RFESD: variants seen among roughly 807,000 people sequenced by gnomAD.
RFESD encodes the protein Rieske domain-containing protein.
A neutral mutation model predicts 24.4 loss-of-function variants in RFESD; 16 were observed. The ratio of observed to expected loss-of-function variants is 0.66; its 90% CI spans 0.44 to 1.00. RFESD has a LOEUF of 1.00. Ranked by LOEUF, RFESD falls within the 50% of genes least tolerant of loss-of-function variation. The pLI is 0.00. For missense variants in RFESD, 208 were observed against 247.0 expected (o/e 0.84, Z 1.06); for synonymous variants, 59 against 81.8 (o/e 0.72, Z 1.50).
Position 95,646,819 on chromosome 5 carries a change from T to A in RFESD, c.-136+2T>A, listed in dbSNP as rs1278634771. On this transcript the variant is annotated splice_donor_variant, in intron 1 of 5. Transcript: ENST00000380005. LOFTEE classifies it low-confidence loss of function (5UTR_SPLICE). ...AGGCGGAGCGAGGACTCGGGGACAG[T>A]AAGTTCTGTTCTCGCCGCGCAGGGG... 3 of 152,332 alleles carry A rather than the reference T, an allele frequency of 2.0e-5. No homozygotes were observed. In the East Asian group the frequency reaches 5.8e-4, roughly 29 times the overall value. The allele number at this position is 152,332 out of a possible 1,614,324, so 9.4% of individuals were successfully genotyped here.
chr5:95,654,398 T>G, intron 5 of RFESD, 31 bp downstream of exon 5: 4 of 1,422,736 alleles, frequency 2.8e-6, no homozygotes, highest in Non-Finnish European at 3.9e-6. Context: ...TTTCAGCAAA[T>G]TCAGCAAATA....
Position 95,653,113 on chromosome 5 carries a change from T to C in RFESD, c.61-4T>C. The C allele has an allele frequency of 6.4e-7, 1 of 1,551,638 alleles. No individual in the cohort carries two copies. The highest frequency in any genetic ancestry group is 8.7e-7 in the Non-Finnish European group (1 of 1,146,974). ...TCAGGCTTTTGTATTTGCTCTTCTT[T>C]CAGTATGGAATTCTCTTCCCCAAGC... On this transcript the variant is annotated splice_region_variant and splice_polypyrimidine_tract_variant and intron_variant, in intron 2 of 5. Coordinates refer to ENST00000380005, the MANE Select transcript of RFESD (RefSeq NM_001131066.2).
intron 1 of RFESD, among the ~76,000 whole-genome samples, chr5:95,649,892 G>C (rs1010025196): frequency 2.0e-5 from 3 of 151,714 alleles, no homozygotes; most frequent in African/African-American, 7.3e-5. Context: ...TTTTTCTTTA[G>C]CCTATTTCCC....
chr5:95,657,364 A>G lies in RFESD; in HGVS notation c.*1055A>G, dbSNP rs1480955700. 2.0e-5 allele frequency: 3 copies of G among 151,894 alleles called. No homozygotes were observed. The highest frequency in any genetic ancestry group is 2.1e-4 in the South Asian group (1 of 4,804). 9.4% of individuals were successfully genotyped at this position (151,894 alleles called of 1,614,324 possible). ...TAAAATAACACCCCAAGCACCCACCATGCAAAAATCAGCAGCACATAGTGG... is the reference window on the plus strand; with the variant it reads ...TAAAATAACACCCCAAGCACCCACCGTGCAAAAATCAGCAGCACATAGTGG... On this transcript the variant is annotated 3_prime_UTR_variant, in exon 6 of 6. Transcript: ENST00000380005.
In RFESD at chr5:95,652,183, A is replaced by G. The variant is rs1750376896; in HGVS notation, c.-89A>G. 3.4e-6 allele frequency: 5 copies of G among 1,453,290 alleles called. No homozygotes were observed. The highest frequency in any genetic ancestry group is 1.8e-6 in the Non-Finnish European group (2 of 1,086,878). The allele number at this position is 1,453,290 out of a possible 1,614,324, so 90.0% of individuals were successfully genotyped here. ...AAGGAGAATATAAGACAGAGAAGAA[A>G]GCTGTGAATGAATTTCATTTGATTA... On this transcript the variant is annotated 5_prime_UTR_variant, in exon 2 of 6. Coordinates refer to ENST00000380005, the MANE Select transcript of RFESD (RefSeq NM_001131066.2).
At chr5:95,655,887 C>T (rs910704485) in intron 5 of RFESD, 159 bp from the exon 6 acceptor site, 49 of 620,838 alleles carry the variant, frequency 7.9e-5, no homozygotes, top group Non-Finnish European at 9.8e-5. Flanking sequence ...TGACTCTTCT[C>T]AGATTAGGAT....
At chr5:95,654,575 A>C (rs1242853187) in intron 5 of RFESD, among the ~76,000 whole-genome samples, 2 of 152,312 alleles carry the variant, frequency 1.3e-5, no homozygotes, top group South Asian at 4.1e-4. Context: ...CGGATGTTTA[A>C]GTATTTGTAT....
intron 1 of RFESD, among the ~76,000 whole-genome samples, chr5:95,650,327 A>G (rs1750255934): frequency 6.6e-6 from 1 of 152,152 alleles, no homozygotes; most frequent in African/African-American, 2.4e-5. Context: ...CTTCTTTTAT[A>G]CATTGAATTC....
In RFESD at chr5:95,656,661, A is replaced by G. The variant is rs1750784176; in HGVS notation, c.*352A>G. On this transcript the variant is annotated 3_prime_UTR_variant, in exon 6 of 6. Transcript: ENST00000380005. ...TAATTTAAAAAATTTAATTTTTAAA[A>G]TAGGAAAAAATCCCTGTTTGATGTA... 6.2e-6 allele frequency: 1 copy of G among 161,634 alleles called. No individual in the cohort carries two copies. The highest frequency in any genetic ancestry group is 1.3e-5 in the Non-Finnish European group (1 of 74,518). The allele number at this position is 161,634 out of a possible 1,614,324, so 10.0% of individuals were successfully genotyped here. A position where few individuals can be genotyped will look rare whatever the true frequency, so the allele number is the denominator to read the frequency against.
At position 95,656,037 on chromosome 5, in the gene RFESD, C is replaced by G. The variant is rs202025519; in HGVS notation, c.370-9C>G. 9 of 1,611,110 alleles carry G rather than the reference C, an allele frequency of 5.6e-6. No homozygotes were observed. The highest frequency in any genetic ancestry group is 7.6e-6 in the Non-Finnish European group (9 of 1,178,356). ...GTCAGAATATTAAATGAGTTATTCT[C>G]TTCCCCAGGATTTTGATGGACGACC... On this transcript the variant is annotated splice_polypyrimidine_tract_variant and intron_variant, in intron 5 of 5. Coordinates refer to ENST00000380005, the MANE Select transcript of RFESD (RefSeq NM_001131066.2).
rs1234254171 is a variant in RFESD, at chr5:95,649,003, A to C, written c.-136+2186A>C. 2.0e-5 allele frequency among the ~76,000 whole-genome samples: 3 copies of C among 148,030 alleles called. No homozygotes were observed. In the East Asian group the frequency reaches 6.0e-4, roughly 29 times the overall value. ...TACAAAATTCTCAAATAGTTAATTCATGACCTATGCACAGGCACATTCTCT... is the reference window on the plus strand; with the variant it reads ...TACAAAATTCTCAAATAGTTAATTCCTGACCTATGCACAGGCACATTCTCT... On this transcript the variant is annotated intron_variant, in intron 1 of 5. Coordinates refer to ENST00000380005, the MANE Select transcript of RFESD (RefSeq NM_001131066.2).
At position 95,656,563 on chromosome 5, in the gene RFESD, T is replaced by A. The variant is rs1750777770; in HGVS notation, c.*254T>A. ...GGTTATAGGTTTGGGATGTTCTGTT[T>A]AAGAAGGATAAAAATAAATTTGGAG... On this transcript the variant is annotated 3_prime_UTR_variant, in exon 6 of 6. Coordinates refer to ENST00000380005, the MANE Select transcript of RFESD (RefSeq NM_001131066.2). 3.7e-6 allele frequency: 1 copy of A among 270,186 alleles called. No homozygotes were observed. Among genetic ancestry groups the A allele is most frequent in the African/African-American group, 2.2e-5 (1 of 45,522 alleles). 16.7% of individuals were successfully genotyped at this position (270,186 alleles called of 1,614,324 possible).
chr5:95,647,931 T>C (rs1203501087), intron 1 of RFESD: 1 of 152,180 alleles, frequency 6.6e-6, no homozygotes, highest in East Asian at 1.9e-4. Flanking sequence ...TTCAGAGAGA[T>C]ACCAAAACTA....
At chr5:95,653,361 A>G in intron 3 of RFESD, 147 bp downstream of exon 3, 1 of 1,169,480 alleles carries the variant, frequency 8.6e-7, no homozygotes, top group Non-Finnish European at 1.2e-6. Flanking sequence ...AGACAATCAA[A>G]GAATCCTGCT....
Sources: allele counts gnomAD v4.1 joint callset (sites outside exome capture counted in the v4.1 genomes callset), GRCh38; gene constraint gnomAD v4.1.1; transcripts MANE v1.5; gene names NCBI Gene and HGNC (gene_info 2026-07-23, HGNC 2026-07-21).